Variants in LPP observed in about 807,000 individuals in gnomAD.
LPP encodes lipoma-preferred partner.
A neutral mutation model predicts 60.4 loss-of-function variants in LPP; 38 were observed. That is an observed-to-expected ratio of 0.63 (90% confidence interval 0.49 to 0.83). The LOEUF (loss-of-function observed/expected upper bound fraction) is 0.83. Among genes scored for constraint, LPP ranks in the 40% least tolerant of loss-of-function variants. LPP has a pLI of 0.00. For synonymous variants in LPP, 328 were observed against 290.8 expected (o/e 1.13, Z -1.30); for missense variants, 902 against 783.6 (o/e 1.15, Z -1.80).
At chr3:188,232,501 G>A (rs1484991284) in intron 2 of LPP, among the ~76,000 whole-genome samples, 3 of 124,492 alleles carry the variant, frequency 2.4e-5, no homozygotes, top group African/African-American at 3.5e-5. Context: ...ATCACACCCG[G>A]CTATTTTTTT....
At chr3:188,356,755 G>C (rs1204114266) in intron 3 of LPP, among the ~76,000 whole-genome samples, 1 of 152,112 alleles carries the variant, frequency 6.6e-6, no homozygotes, top group Non-Finnish European at 1.5e-5. Flanking sequence ...GACCTCATTT[G>C]TTTCTGATTT....
chr3:188,157,887 T>C (rs971792080), intron 1 of LPP, among the ~76,000 whole-genome samples: 1 of 152,050 alleles, frequency 6.6e-6, no homozygotes, highest in Non-Finnish European at 1.5e-5. Context: ...ATTAGCAAGA[T>C]AGTAGCAGAT....
At chr3:188,466,111 T>C (rs940775812) in intron 4 of LPP, among the ~76,000 whole-genome samples, 21 of 152,182 alleles carry the variant, frequency 1.4e-4, no homozygotes, top group Admixed American at 1.2e-3. Flanking sequence ...ATTTGTCATA[T>C]GGAAAATCAT....
intron 7 of LPP, among the ~76,000 whole-genome samples, chr3:188,686,611 G>C (rs1008569901): frequency 6.6e-6 from 1 of 152,154 alleles, no homozygotes; most frequent in Non-Finnish European, 1.5e-5. Context: ...CTCACCCCTA[G>C]AGATACTGAA....
At chr3:188,747,517 A>C (rs879685343) in intron 8 of LPP, among the ~76,000 whole-genome samples, 3 of 152,214 alleles carry the variant, frequency 2.0e-5, no homozygotes, top group South Asian at 4.1e-4. Context: ...TTCAAATGTT[A>C]ACAAAGAAAT....
intron 1 of LPP, among the ~76,000 whole-genome samples, chr3:188,220,262 C>T (rs925254719): frequency 7.5e-5 from 9 of 119,306 alleles, no homozygotes; most frequent in Admixed American, 2.4e-4. Flanking sequence ...GTTGTCATGA[C>T]TTTTTTTTAT....
At chr3:188,868,305 A>G (rs1467278684) in intron 10 of LPP, among the ~76,000 whole-genome samples, 1 of 152,162 alleles carries the variant, frequency 6.6e-6, no homozygotes, top group African/African-American at 2.4e-5. Flanking sequence ...CAGGAAATCA[A>G]TTTTGACAAA....
intron 7 of LPP, among the ~76,000 whole-genome samples, chr3:188,683,573 A>G (rs1362733348): frequency 6.6e-6 from 1 of 152,244 alleles, no homozygotes; most frequent in Non-Finnish European, 1.5e-5. Context: ...TGCTGTGTCC[A>G]TTTGCCTTGT....
At chr3:188,289,876 A>G (rs1745341406) in intron 2 of LPP, among the ~76,000 whole-genome samples, 1 of 152,168 alleles carries the variant, frequency 6.6e-6, no homozygotes. Flanking sequence ...AAAGGATTAT[A>G]AAATCTTTCT....
intron 8 of LPP, among the ~76,000 whole-genome samples, chr3:188,739,912 T>A (rs1194098840): frequency 1.3e-5 from 2 of 152,188 alleles, no homozygotes; most frequent in East Asian, 3.9e-4. Context: ...ACTTCCTTGG[T>A]CTACTGAATC....
At chr3:188,275,982 C>G (rs945845433) in intron 2 of LPP, among the ~76,000 whole-genome samples, 4 of 152,170 alleles carry the variant, frequency 2.6e-5, no homozygotes, top group African/African-American at 9.7e-5. Flanking sequence ...CCTCCAGGAA[C>G]TTTTCTAGGT....
chr3:188,263,425 A>G (rs905482651), intron 2 of LPP, among the ~76,000 whole-genome samples: 54 of 152,204 alleles, frequency 3.5e-4, no homozygotes, highest in East Asian at 1.9e-4. Flanking sequence ...TTCCTTTTGC[A>G]TATGGAAGAG....
chr3:188,246,366 C>A (rs967994775), intron 2 of LPP, among the ~76,000 whole-genome samples: 2 of 152,146 alleles, frequency 1.3e-5, no homozygotes, highest in African/African-American at 4.8e-5. Flanking sequence ...AGATACCCTG[C>A]AATTTATCTC....
intron 1 of LPP, among the ~76,000 whole-genome samples, chr3:188,204,025 G>C (rs114299650): frequency 5.5e-4 from 83 of 152,238 alleles, no homozygotes; most frequent in African/African-American, 1.9e-3. Flanking sequence ...GGGAATTGGT[G>C]GGGCCATCTT....
intron 9 of LPP, among the ~76,000 whole-genome samples, chr3:188,799,447 C>A (rs1204096759): frequency 6.6e-6 from 1 of 152,208 alleles, no homozygotes; most frequent in African/African-American, 2.4e-5. Context: ...GGGATCACTG[C>A]AAATGTCTCA....
chr3:188,276,669 G>GTCTC lies in LPP; in HGVS notation c.-67+51164_-67+51167dup, dbSNP rs750060555. On this transcript the variant is annotated intron_variant, in intron 2 of 11. Coordinates refer to ENST00000617246, the MANE Select transcript of LPP (RefSeq NM_001375462.1). The stretch of plus-strand genomic sequence containing the variant: ...GTGGCACCCCCCACCCTCCAACTCT[G>GTCTC]TCTCTCTCTCTCTCTCTCTCTCTCT... Among the ~76,000 whole-genome samples the GTCTC allele has an allele frequency of 1.7e-4, 17 of 100,166 alleles. No homozygotes were observed. The South Asian group carries it at 2.0e-3, about 12-fold the overall frequency. 65.7% of individuals were successfully genotyped at this position (100,166 alleles called of 152,430 possible). A position where few individuals can be genotyped will look rare whatever the true frequency, so the allele number is the denominator to read the frequency against.
intron 1 of LPP, among the ~76,000 whole-genome samples, chr3:188,167,794 G>C (rs75844015): frequency 0.056 from 8,600 of 152,240 alleles, 352 homozygotes; most frequent in Non-Finnish European, 0.08. Context: ...TTGCCAGTCA[G>C]CCTCCAGAAA....
At position 188,884,790 on chromosome 3, in the gene LPP, C is replaced by A. The variant is rs1770471584; in HGVS notation, c.*10311C>A. The A allele has an allele frequency of 8.8e-6, 2 of 226,036 alleles. No individual in the cohort carries two copies. The highest frequency in any genetic ancestry group is 1.8e-5 in the Non-Finnish European group (2 of 113,578). The allele number at this position is 226,036 out of a possible 1,614,324, so 14.0% of individuals were successfully genotyped here. On this transcript the variant is annotated 3_prime_UTR_variant, in exon 12 of 12. Coordinates refer to ENST00000617246, the MANE Select transcript of LPP (RefSeq NM_001375462.1). Reference sequence around the variant, plus strand: ...TAGCAATGCATTTTAGTCTTTCTCTCCATTCACATTTACTGAGAGCACACC... The same window carrying A: ...TAGCAATGCATTTTAGTCTTTCTCTACATTCACATTTACTGAGAGCACACC...
intron 7 of LPP, among the ~76,000 whole-genome samples, chr3:188,665,884 G>T (rs1265028055): frequency 6.6e-6 from 1 of 152,200 alleles, no homozygotes; most frequent in Non-Finnish European, 1.5e-5. Flanking sequence ...TATAAAGTTT[G>T]CATTTTAGGA....
Sources: gnomAD v4.1 joint callset for allele counts (sites outside exome capture counted in the v4.1 genomes callset) on GRCh38, gnomAD v4.1.1 for gene constraint, MANE v1.5 for transcripts, NCBI Gene and HGNC (gene_info 2026-07-23, HGNC 2026-07-21) for gene names.